The following CEP135 variants were observed in gnomAD, a reference collection of about 807,000 sequenced individuals.
CEP135 encodes centrosomal protein of 135 kDa.
CEP135 carries 142 observed loss-of-function variants against 157.3 expected under a neutral mutation model. The ratio of observed to expected loss-of-function variants is 0.90; its 90% confidence interval spans 0.79 to 1.04. The LOEUF (loss-of-function observed/expected upper bound fraction) is 1.04. CEP135 is among the 50% of genes least tolerant of loss of function. CEP135 has a pLI of 0.00. For missense variants in CEP135, 1,317 were observed against 1,309.2 expected, an observed-to-expected ratio of 1.01 and a Z score of -0.09; for synonymous variants, 396 against 439.8, an observed-to-expected ratio of 0.90 and a Z score of 1.25.
chr4:56,007,603 T>C (rs1730399558), intron 17 of CEP135, among the ~76,000 whole-genome samples: 1 of 152,222 alleles, frequency 6.6e-6, no homozygotes, highest in African/African-American at 2.4e-5. Context: ...CCATGATGTT[T>C]CCTGTGTGTT....
At position 55,999,592 on chromosome 4, in the gene CEP135, G is replaced by A; in HGVS notation, c.2227G>A (p.Val743Ile). 1 of 1,608,452 alleles carries A rather than the reference G, an allele frequency of 6.2e-7. No homozygotes were observed. The highest frequency in any genetic ancestry group is 8.5e-7 in the Non-Finnish European group (1 of 1,178,902). ...AGAAAAAGACTTTCTCCAGGAGACT[G>A]TAGATGAGAAGACAGAAAAGATTGC... ...DKEKDFLQET[V>I]DEKTEKIANL... Residue 743 changes from valine to isoleucine, a missense_variant, in exon 17 of 26, where the codon GTA becomes ATA. Physicochemically the swap from Val to Ile is conservative, Grantham distance 29. Coordinates refer to ENST00000257287, the MANE Select transcript of CEP135 (RefSeq NM_025009.5).
intron 13 of CEP135, among the ~76,000 whole-genome samples, chr4:55,982,791 T>C (rs1170289536): frequency 6.6e-6 from 1 of 152,178 alleles, no homozygotes; most frequent in Non-Finnish European, 1.5e-5. Flanking sequence ...TAGTTATTTT[T>C]TTCTTTAGTT....
intron 21 of CEP135, among the ~76,000 whole-genome samples, chr4:56,013,727 G>T (rs1730674579): frequency 6.6e-6 from 1 of 152,050 alleles, no homozygotes; most frequent in East Asian, 1.9e-4. Context: ...TGTTTTGTTT[G>T]TATAGTTTTA....
rs1219855701 is a variant in CEP135, at chr4:55,974,978, C to T, written c.1473+9C>T. On this transcript the variant is annotated intron_variant, in intron 11 of 25. Coordinates refer to ENST00000257287, the MANE Select transcript of CEP135 (RefSeq NM_025009.5). ...TTAGAACACCAGAAAAGGTAATGTC[C>T]CTTTATAAGAGTAGGCCAGAAAGTA... 1 of 1,562,784 alleles carries T rather than the reference C, an allele frequency of 6.4e-7. No homozygotes were observed. Among genetic ancestry groups the T allele is most frequent in the South Asian group, 1.2e-5 (1 of 84,346 alleles).
chr4:55,992,869 C>G (rs1195277577), intron 15 of CEP135, among the ~76,000 whole-genome samples: 1 of 152,104 alleles, frequency 6.6e-6, no homozygotes, highest in African/African-American at 2.4e-5. Flanking sequence ...GCAAACAAAG[C>G]TTTTTTTCTG....
intron 25 of CEP135, among the ~76,000 whole-genome samples, chr4:56,029,178 C>T (rs764241866): frequency 3.3e-5 from 5 of 152,328 alleles, no homozygotes; most frequent in East Asian, 1.9e-4. Flanking sequence ...TCTCAAGGCG[C>T]GCCACCCTGT....
intron 23 of CEP135, 121 bp from the exon 24 acceptor site, chr4:56,020,555 A>G (rs993542078): frequency 1.4e-6 from 1 of 730,454 alleles, no homozygotes; most frequent in Non-Finnish European, 2.3e-6. Flanking sequence ...TAAAAGCTCT[A>G]GAAGTTTAGA....
chr4:56,020,439 G>A (rs1425786382), intron 23 of CEP135, among the ~76,000 whole-genome samples: 1 of 152,172 alleles, frequency 6.6e-6, no homozygotes, highest in African/African-American at 2.4e-5. Context: ...TACCATTTAT[G>A]TCTCGTTCAA....
intron 21 of CEP135, among the ~76,000 whole-genome samples, chr4:56,012,765 C>T (rs1247155442): frequency 6.6e-6 from 1 of 152,158 alleles, no homozygotes; most frequent in African/African-American, 2.4e-5. Flanking sequence ...TATGTATGTA[C>T]CACATTTTTG....
intron 2 of CEP135, 184 bp downstream of exon 2, chr4:55,952,427 C>G: frequency 3.8e-6 from 2 of 530,944 alleles, no homozygotes; most frequent in Non-Finnish European, 6.8e-6. Flanking sequence ...TAAAGGCCAC[C>G]ACTCACGCTG....
At chr4:56,029,862 G>A (rs1271953208) in intron 25 of CEP135, among the ~76,000 whole-genome samples, 1 of 152,188 alleles carries the variant, frequency 6.6e-6, no homozygotes, top group African/African-American at 2.4e-5. Flanking sequence ...GTTGCTCTGG[G>A]TGAGTCAGTG....
intron 23 of CEP135, among the ~76,000 whole-genome samples, chr4:56,019,955 G>A (rs1577913948): frequency 6.6e-6 from 1 of 152,072 alleles, no homozygotes; most frequent in East Asian, 1.9e-4. Context: ...AAAATATTTG[G>A]CTTATACATC....
intron 4 of CEP135, among the ~76,000 whole-genome samples, chr4:55,955,137 A>G (rs1289666653): frequency 1.3e-5 from 2 of 152,130 alleles, no homozygotes; most frequent in Non-Finnish European, 1.5e-5. Context: ...TTCAGCAGGT[A>G]TGGGTTGGTG....
intron 1 of CEP135, among the ~76,000 whole-genome samples, chr4:55,950,679 T>C (rs532566223): frequency 2.6e-4 from 39 of 152,082 alleles, no homozygotes; most frequent in Middle Eastern, 6.8e-3. Flanking sequence ...AACTCCATTT[T>C]AGGGCAGATT....
chr4:56,029,534 G>A (rs1163452888), intron 25 of CEP135, among the ~76,000 whole-genome samples: 1 of 152,158 alleles, frequency 6.6e-6, no homozygotes, highest in Non-Finnish European at 1.5e-5. Flanking sequence ...ATACAGTCAT[G>A]CATTGCTTAA....
chr4:56,023,138 C>T (rs930181578), intron 24 of CEP135, among the ~76,000 whole-genome samples: 1 of 151,826 alleles, frequency 6.6e-6, no homozygotes, highest in African/African-American at 2.4e-5. Context: ...GAGGATGAGG[C>T]GGGAGGATCG....
chr4:55,986,886 G>A (rs1171613232), intron 14 of CEP135, among the ~76,000 whole-genome samples: 1 of 152,180 alleles, frequency 6.6e-6, no homozygotes, highest in African/African-American at 2.4e-5. Context: ...GTTGGTTGAA[G>A]TGTCACCTCA....
intron 15 of CEP135, among the ~76,000 whole-genome samples, chr4:55,997,274 T>C (rs1470744253): frequency 6.6e-6 from 1 of 152,224 alleles, no homozygotes; most frequent in Non-Finnish European, 1.5e-5. Flanking sequence ...GTCTCTGTTT[T>C]CTTCTCTTTC....
Position 56,017,798 on chromosome 4 carries a change from G to A in CEP135, c.2953G>A (p.Asp985Asn), listed in dbSNP as rs762680530. The change falls in exon 22 of 26, where the codon GAT (aspartate) becomes AAT (asparagine). Residue 985 changes from aspartate to asparagine, a missense_variant. By Grantham distance (23) the Asp-to-Asn change is conservative. Coordinates refer to ENST00000257287, the MANE Select transcript of CEP135 (RefSeq NM_025009.5). ...TCTTAGAGAACTTTGCATTAAACTT[G>A]ATTCAGGCAAAGATATTATGACCCA... ...SSLRELCIKL[D>N]SGKDIMTQQL... 1.2e-6 allele frequency: 2 copies of A among 1,613,722 alleles called. No homozygotes were observed. Among genetic ancestry groups the A allele is most frequent in the South Asian group, 2.2e-5 (2 of 91,032 alleles).
Sources: allele counts gnomAD v4.1 joint callset (sites outside exome capture counted in the v4.1 genomes callset), GRCh38; gene constraint gnomAD v4.1.1; transcripts MANE v1.5; gene names NCBI Gene and HGNC (gene_info 2026-07-23, HGNC 2026-07-21).